CADPS2: variants seen among roughly 807,000 people sequenced by gnomAD.
CADPS2 encodes calcium dependent secretion activator 2.
In CADPS2, 93 loss-of-function variants were observed where a neutral mutation model predicts 172.5. The ratio of observed to expected loss-of-function variants is 0.54; its 90% CI spans 0.46 to 0.64. The LOEUF (loss-of-function observed/expected upper bound fraction) is 0.64. Among genes scored for constraint, CADPS2 ranks in the 30% least tolerant of loss-of-function variants. The probability of loss-of-function intolerance (pLI) is 0.00; values close to 1 mark genes in which losing one functional copy is unlikely to be tolerated. For synonymous variants in CADPS2, 546 were observed against 555.2 expected, an observed-to-expected ratio of 0.98 and a Z score of 0.23; for missense variants, 1,420 against 1,565.9, an observed-to-expected ratio of 0.91 and a Z score of 1.57.
chr7:122,354,815 G>A (rs1392641807), intron 27 of CADPS2, among the ~76,000 whole-genome samples: 1 of 152,024 alleles, frequency 6.6e-6, no homozygotes, highest in East Asian at 1.9e-4. Context: ...AGCATTCCAA[G>A]GTTCTATGAT....
chr7:122,680,363 C>T (rs2082890187), intron 2 of CADPS2, among the ~76,000 whole-genome samples: 1 of 152,194 alleles, frequency 6.6e-6, no homozygotes, highest in Non-Finnish European at 1.5e-5. Flanking sequence ...TCAAAAGATC[C>T]TTCCAACTTT....
chr7:122,592,988 G>GAATAAATA (rs141800604), intron 6 of CADPS2, among the ~76,000 whole-genome samples: 4,181 of 148,194 alleles, frequency 0.028, 79 homozygotes, highest in African/African-American at 0.044. Flanking sequence ...GAAGTAAAAT[G>GAATAAATA]AATAAATAAA....
At chr7:122,722,170 T>A (rs1012373943) in intron 2 of CADPS2, among the ~76,000 whole-genome samples, 1 of 152,068 alleles carries the variant, frequency 6.6e-6, no homozygotes, top group Non-Finnish European at 1.5e-5. Flanking sequence ...CTATTCAACA[T>A]AGTGTTGGAA....
intron 1 of CADPS2, among the ~76,000 whole-genome samples, chr7:122,781,556 T>G (rs1269474953): frequency 6.6e-6 from 1 of 152,210 alleles, no homozygotes; most frequent in Non-Finnish European, 1.5e-5. Flanking sequence ...CAACTTTGAA[T>G]ATTTTGTTCC....
intron 2 of CADPS2, among the ~76,000 whole-genome samples, chr7:122,686,711 CAG>C (rs1564064754): frequency 1.3e-5 from 2 of 152,206 alleles, no homozygotes; most frequent in African/African-American, 2.4e-5. Flanking sequence ...TCCACCCTGA[CAG>C]AGTCTCATTC....
intron 1 of CADPS2, among the ~76,000 whole-genome samples, chr7:122,740,168 T>C (rs955885125): frequency 2.0e-5 from 3 of 152,184 alleles, no homozygotes; most frequent in Non-Finnish European, 4.4e-5. Flanking sequence ...TAAAACAGGT[T>C]GATGGTTTCT....
chr7:122,834,764 G>A (rs973581357), intron 1 of CADPS2, among the ~76,000 whole-genome samples: 3 of 152,150 alleles, frequency 2.0e-5, no homozygotes, highest in Non-Finnish European at 4.4e-5. Context: ...GCTGAGGCTC[G>A]AGTAGGTAAA....
intron 13 of CADPS2, 88 bp downstream of exon 13, chr7:122,474,293 T>C (rs1396295205): frequency 7.3e-7 from 1 of 1,368,952 alleles, no homozygotes; most frequent in Non-Finnish European, 1.0e-6. Flanking sequence ...CAAGTATTTC[T>C]CACTTTCTAA....
intron 17 of CADPS2, among the ~76,000 whole-genome samples, chr7:122,416,834 C>T (rs1341507003): frequency 2.6e-5 from 4 of 152,270 alleles, no homozygotes; most frequent in Admixed American, 2.0e-4. Context: ...AGATTAAGTG[C>T]AGTTACCTGA....
rs894925378 is a variant in CADPS2, at chr7:122,491,482, T to A, written c.1543-62A>T. 49 of 776,196 alleles carry A rather than the reference T, an allele frequency of 6.3e-5. 1 individual carries two copies. In the South Asian group the frequency reaches 6.5e-4, roughly 10 times the overall value. 48.1% of individuals were successfully genotyped at this position (776,196 alleles called of 1,614,324 possible). A position where few individuals can be genotyped will look rare whatever the true frequency, so the allele number is the denominator to read the frequency against. Reference sequence around the variant, plus strand: ...TTAAATTTACCAAATTTAACTTTCGTTTTTTTATCAAAATACTCTTTTCCC... The same window carrying A: ...TTAAATTTACCAAATTTAACTTTCGATTTTTTATCAAAATACTCTTTTCCC... On this transcript the variant is annotated intron_variant, in intron 9 of 29. Transcript: ENST00000449022.
intron 5 of CADPS2, among the ~76,000 whole-genome samples, chr7:122,617,887 C>A (rs2075117329): frequency 6.6e-6 from 1 of 152,126 alleles, no homozygotes; most frequent in South Asian, 2.1e-4. Flanking sequence ...ACTAAAAATA[C>A]AAAAAATTAG....
chr7:122,672,810 T>C (rs1489299708), intron 2 of CADPS2, among the ~76,000 whole-genome samples: 1 of 152,218 alleles, frequency 6.6e-6, no homozygotes, highest in Non-Finnish European at 1.5e-5. Context: ...TAACCTCACG[T>C]CGGAAAACTA....
intron 14 of CADPS2, 97 bp downstream of exon 14, chr7:122,471,278 T>A (rs774465763): frequency 5.2e-5 from 49 of 934,896 alleles, no homozygotes; most frequent in Non-Finnish European, 7.2e-5. Flanking sequence ...GTTTGCTATT[T>A]ACAATCTGTT....
At chr7:122,700,140 G>T (rs149928421) in intron 2 of CADPS2, among the ~76,000 whole-genome samples, 1 of 152,106 alleles carries the variant, frequency 6.6e-6, no homozygotes, top group South Asian at 2.1e-4. Context: ...CTTTCTTGGC[G>T]GTGAATCTCA....
intron 11 of CADPS2, among the ~76,000 whole-genome samples, chr7:122,483,064 T>C (rs1053510571): frequency 6.6e-6 from 1 of 152,148 alleles, no homozygotes; most frequent in East Asian, 1.9e-4. Context: ...ATGGGGAAAA[T>C]GCATCCTGGA....
At chr7:122,631,094 C>T (rs1431630876) in intron 3 of CADPS2, among the ~76,000 whole-genome samples, 4 of 152,026 alleles carry the variant, frequency 2.6e-5, no homozygotes, top group Non-Finnish European at 5.9e-5. Flanking sequence ...TCTCTCATTC[C>T]AAGCTCCTAA....
chr7:122,598,132 A>G (rs1250933549), intron 6 of CADPS2, among the ~76,000 whole-genome samples: 1 of 152,022 alleles, frequency 6.6e-6, no homozygotes, highest in African/African-American at 2.4e-5. Context: ...CCTTATTTCC[A>G]TAGGCAAAAG....
At chr7:122,483,086 T>G (rs1012115469) in intron 11 of CADPS2, among the ~76,000 whole-genome samples, 6 of 152,178 alleles carry the variant, frequency 3.9e-5, no homozygotes, top group Non-Finnish European at 7.3e-5. Context: ...TAAACACTGC[T>G]TGGTCTTCCC....
intron 28 of CADPS2, among the ~76,000 whole-genome samples, chr7:122,326,195 G>T (rs1213784450): frequency 6.6e-6 from 1 of 151,398 alleles, no homozygotes; most frequent in Non-Finnish European, 1.5e-5. Context: ...ATCTTAGGAA[G>T]AAACATTATC....
Sources: gnomAD v4.1 joint callset for allele counts (sites outside exome capture counted in the v4.1 genomes callset) on GRCh38, gnomAD v4.1.1 for gene constraint, MANE v1.5 for transcripts, NCBI Gene and HGNC (gene_info 2026-07-23, HGNC 2026-07-21) for gene names.